Variants in RBFOX1 observed in about 807,000 individuals in gnomAD.
The protein encoded by RBFOX1 is RNA binding protein fox-1 homolog 1.
In RBFOX1, 8 loss-of-function variants were observed where a neutral mutation model predicts 57.7. That is an observed-to-expected ratio of 0.14 (90% CI 0.08 to 0.25). The LOEUF is 0.25. Among genes scored for constraint, RBFOX1 ranks in the 10% least tolerant of loss-of-function variants. RBFOX1 has a pLI of 1.00. For synonymous variants in RBFOX1, 326 were observed against 222.4 expected (o/e 1.47, Z -4.15); for missense variants, 611 against 548.5 (o/e 1.11, Z -1.14).
chr16:7,669,440 T>A (rs1189869929), intron 13 of RBFOX1, among the ~76,000 whole-genome samples: 3 of 152,168 alleles, frequency 2.0e-5, no homozygotes, highest in Non-Finnish European at 4.4e-5. Context: ...TAGTGAGGTG[T>A]GACAATGGTA....
At chr16:5,920,305 A>T (rs1317562432) in intron 4 of RBFOX1, among the ~76,000 whole-genome samples, 1 of 151,952 alleles carries the variant, frequency 6.6e-6, no homozygotes, top group Non-Finnish European at 1.5e-5. Flanking sequence ...ATTGTACATT[A>T]CCCATATAAT....
intron 3 of RBFOX1, among the ~76,000 whole-genome samples, chr16:6,753,901 C>T (rs539831399): frequency 1.3e-5 from 2 of 152,104 alleles, no homozygotes; most frequent in Admixed American, 6.5e-5. Context: ...AAAATCATTC[C>T]CACCAAGCTG....
At chr16:6,797,352 T>C (rs894497350) in intron 3 of RBFOX1, among the ~76,000 whole-genome samples, 3 of 152,136 alleles carry the variant, frequency 2.0e-5, no homozygotes, top group Non-Finnish European at 2.9e-5. Context: ...AAAATCATTA[T>C]GAAGCAGAGA....
chr16:5,718,804 G>C, intron 3 of RBFOX1, among the ~76,000 whole-genome samples: 1 of 152,232 alleles, frequency 6.6e-6, no homozygotes, highest in East Asian at 1.9e-4. Context: ...AGCTACTCCA[G>C]AGGCTGAGGC....
chr16:7,589,993 C>G (rs1345479847), intron 7 of RBFOX1, among the ~76,000 whole-genome samples: 3 of 150,436 alleles, frequency 2.0e-5, no homozygotes, highest in Non-Finnish European at 4.4e-5. Context: ...GGGATGGACG[C>G]AGTGTCTCAT....
intron 4 of RBFOX1, among the ~76,000 whole-genome samples, chr16:5,912,791 G>C (rs2058630378): frequency 2.0e-5 from 3 of 152,142 alleles, no homozygotes; most frequent in Admixed American, 2.0e-4. Flanking sequence ...CGGCAGAGTT[G>C]ACAGGAGATT....
At chr16:7,674,264 GCT>G (rs1208245489) in intron 13 of RBFOX1, among the ~76,000 whole-genome samples, 1 of 152,042 alleles carries the variant, frequency 6.6e-6, no homozygotes, top group Non-Finnish European at 1.5e-5. Flanking sequence ...GATCATTTAG[GCT>G]GGTATTGTCC....
chr16:6,864,910 T>G (rs1451273441), intron 3 of RBFOX1, among the ~76,000 whole-genome samples: 1 of 152,102 alleles, frequency 6.6e-6, no homozygotes, highest in East Asian at 1.9e-4. Flanking sequence ...GTTTCTCTTT[T>G]TGCTGATAAA....
intron 4 of RBFOX1, among the ~76,000 whole-genome samples, chr16:7,343,588 A>T (rs1030256355): frequency 1.3e-5 from 2 of 152,178 alleles, no homozygotes; most frequent in Non-Finnish European, 2.9e-5. Flanking sequence ...TATAATAACA[A>T]CAGCAGCTGC....
chr16:6,558,305 C>T (rs893517030), intron 2 of RBFOX1, among the ~76,000 whole-genome samples: 2 of 152,078 alleles, frequency 1.3e-5, no homozygotes, highest in African/African-American at 4.8e-5. Context: ...AAGAAAGAGG[C>T]CTTACAGAGC....
intron 2 of RBFOX1, among the ~76,000 whole-genome samples, chr16:6,609,287 G>A (rs2098000759): frequency 6.6e-6 from 1 of 152,178 alleles, no homozygotes; most frequent in South Asian, 2.1e-4. Context: ...TGGGTATGGA[G>A]TGTAGTATGT....
chr16:5,483,239 T>C (rs2069607997), intron 2 of RBFOX1, among the ~76,000 whole-genome samples: 1 of 152,208 alleles, frequency 6.6e-6, no homozygotes, highest in South Asian at 2.1e-4. Context: ...TCTGCAGTTC[T>C]AGAAGCACCA....
intron 2 of RBFOX1, among the ~76,000 whole-genome samples, chr16:5,593,997 A>G (rs1469049398): frequency 6.6e-6 from 1 of 150,608 alleles, no homozygotes; most frequent in African/African-American, 2.5e-5. Context: ...TCCTGCCCCC[A>G]CACCTTCTGC....
chr16:6,344,418 T>TTTTTTTTTTTTG (rs2085039364), intron 2 of RBFOX1, among the ~76,000 whole-genome samples: 1 of 146,102 alleles, frequency 6.8e-6, no homozygotes, highest in South Asian at 2.2e-4. Flanking sequence ...TTTTTTTTTT[T>TTTTTTTTTTTTG]TGAGACAGAG....
chr16:7,287,565 T>G (rs1373399193), intron 4 of RBFOX1, among the ~76,000 whole-genome samples: 1 of 152,204 alleles, frequency 6.6e-6, no homozygotes, highest in East Asian at 1.9e-4. Context: ...GTCTGTGACT[T>G]GGGCTACTTA....
Position 5,976,887 on chromosome 16 carries a change from C to G in RBFOX1, c.351+109552C>G, listed in dbSNP as rs562480100. Among the ~76,000 whole-genome samples, 14 of 152,220 alleles carry G rather than the reference C, an allele frequency of 9.2e-5. No individual in the cohort carries two copies. The East Asian group carries it at 2.7e-3, about 29-fold the overall frequency. On this transcript the variant is annotated intron_variant, in intron 4 of 19. Transcript: ENST00000641259. ...CTGTCAATCAATGTATCAATAAGGTCTTGCTAAAGATGATAAAGCAAATTA... is the reference window on the plus strand; with the variant it reads ...CTGTCAATCAATGTATCAATAAGGTGTTGCTAAAGATGATAAAGCAAATTA...
intron 4 of RBFOX1, among the ~76,000 whole-genome samples, chr16:7,297,936 C>T (rs1000714537): frequency 4.6e-5 from 7 of 151,982 alleles, no homozygotes; most frequent in East Asian, 3.9e-4. Context: ...GCCTATTTTA[C>T]GCACATGCAT....
intron 4 of RBFOX1, among the ~76,000 whole-genome samples, chr16:7,208,217 G>A (rs76209644): frequency 0.072 from 11,010 of 152,086 alleles, 555 homozygotes; most frequent in Non-Finnish European, 0.11. Context: ...ATCTATAATC[G>A]GCCAGATTGT....
At chr16:5,690,379 C>A (rs370385746) in intron 3 of RBFOX1, among the ~76,000 whole-genome samples, 1 of 152,148 alleles carries the variant, frequency 6.6e-6, no homozygotes, top group African/African-American at 2.4e-5. Flanking sequence ...TTTGGGCCAC[C>A]GTCTACCCAT....
Sources: gnomAD v4.1 joint callset for allele counts (sites outside exome capture counted in the v4.1 genomes callset) on GRCh38, gnomAD v4.1.1 for gene constraint, MANE v1.5 for transcripts, NCBI Gene and HGNC (gene_info 2026-07-23, HGNC 2026-07-21) for gene names.